The following TTC27 variants were observed in gnomAD, a reference collection of about 807,000 sequenced individuals.
TTC27 encodes tetratricopeptide repeat domain 27, also known as tetratricopeptide repeat protein 27.
In TTC27, 79 loss-of-function variants were observed where a neutral mutation model predicts 115.9. The ratio of observed to expected loss-of-function variants is 0.68; its 90% CI spans 0.57 to 0.82. TTC27 has a LOEUF of 0.82. Ranked by LOEUF, TTC27 falls within the 40% of genes least tolerant of loss-of-function variation. TTC27 has a pLI of 0.00. For synonymous variants in TTC27, 401 were observed against 356.0 expected (o/e 1.13, Z -1.42); for missense variants, 1,054 against 993.1 (o/e 1.06, Z -0.82).
At chr2:32,680,345 GTATTGTAC>G (rs2151889059) in intron 9 of TTC27, among the ~76,000 whole-genome samples, 1 of 152,212 alleles carries the variant, frequency 6.6e-6, no homozygotes, top group East Asian at 1.9e-4. Flanking sequence ...ATATATACGG[GTATTGTAC>G]TAGTCATTGG....
At chr2:32,692,567 A>T (rs1008805443) in intron 9 of TTC27, among the ~76,000 whole-genome samples, 2 of 152,190 alleles carry the variant, frequency 1.3e-5, no homozygotes, top group African/African-American at 4.8e-5. Context: ...TTTATGTTAT[A>T]TGTATTTTAC....
chr2:32,639,805 C>A (rs1278275090), intron 3 of TTC27, among the ~76,000 whole-genome samples: 1 of 152,096 alleles, frequency 6.6e-6, no homozygotes, highest in Non-Finnish European at 1.5e-5. Context: ...GAATTCGAGA[C>A]CAACCTGGCC....
chr2:32,731,442 C>G lies in TTC27; in HGVS notation c.1234-2386C>G, dbSNP rs75155129. ...CAGGCAGGAGTGCAGTGGCACAAACCTAGCTCACTGCAGCCTTGACCTCCT... is the reference window on the plus strand; with the variant it reads ...CAGGCAGGAGTGCAGTGGCACAAACGTAGCTCACTGCAGCCTTGACCTCCT... On this transcript the variant is annotated intron_variant, in intron 10 of 19. Coordinates refer to ENST00000317907, the MANE Select transcript of TTC27 (RefSeq NM_017735.5). Among the ~76,000 whole-genome samples the G allele has an allele frequency of 2.9e-3, 445 of 152,138 alleles. 1 individual carries two copies. The highest frequency in any genetic ancestry group is 0.01 in the African/African-American group (425 of 41,502).
At chr2:32,794,840 GA>G (rs1372173383) in intron 16 of TTC27, among the ~76,000 whole-genome samples, 2 of 151,984 alleles carry the variant, frequency 1.3e-5, no homozygotes, top group African/African-American at 4.8e-5. Context: ...TAACCTAGAT[GA>G]AATAGATAAA....
In TTC27 at chr2:32,663,437, C is replaced by T. The variant is rs1336556001; in HGVS notation, c.641-866C>T. ...TGGCTAGGAGAGAGAGTTCCACGAC[C>T]CCTTGTGCTTCCCGGGTGATCGCCT... is the stretch of plus-strand genomic sequence containing the variant. On this transcript the variant is annotated intron_variant, in intron 5 of 19. Transcript: ENST00000317907. Among the ~76,000 whole-genome samples the T allele has an allele frequency of 2.6e-5, 4 of 152,134 alleles. No homozygotes were observed. In the East Asian group the frequency reaches 7.7e-4, roughly 29 times the overall value.
intron 5 of TTC27, among the ~76,000 whole-genome samples, chr2:32,658,676 T>C (rs1441585651): frequency 6.6e-6 from 1 of 152,234 alleles, no homozygotes; most frequent in Non-Finnish European, 1.5e-5. Context: ...AGAGATAGTT[T>C]GTCAGTGATA....
intron 10 of TTC27, among the ~76,000 whole-genome samples, chr2:32,733,482 G>A (rs1421906432): frequency 6.6e-6 from 1 of 152,146 alleles, no homozygotes; most frequent in Non-Finnish European, 1.5e-5. Flanking sequence ...AAGTGCCATG[G>A]TCAAAGTGGC....
intron 12 of TTC27, among the ~76,000 whole-genome samples, chr2:32,757,853 C>A (rs1356941626): frequency 2.0e-5 from 3 of 152,168 alleles, no homozygotes; most frequent in Non-Finnish European, 4.4e-5. Flanking sequence ...AGGCACCTGC[C>A]ACCACGCCCG....
intron 3 of TTC27, among the ~76,000 whole-genome samples, chr2:32,635,579 G>A (rs1664388770): frequency 6.6e-6 from 1 of 152,124 alleles, no homozygotes; most frequent in African/African-American, 2.4e-5. Flanking sequence ...AGCTACTCAG[G>A]AGGCTGAGGC....
intron 10 of TTC27, among the ~76,000 whole-genome samples, chr2:32,710,444 T>TTTC (rs35935473): frequency 6.6e-6 from 1 of 150,976 alleles, no homozygotes; most frequent in African/African-American, 2.4e-5. Flanking sequence ...TTTTTTTTTT[T>TTTC]CTGAGATGGA....
chr2:32,744,919 G>A (rs1407126121), intron 12 of TTC27, among the ~76,000 whole-genome samples: 1 of 151,824 alleles, frequency 6.6e-6, no homozygotes, highest in Non-Finnish European at 1.5e-5. Context: ...ATGGTGATGG[G>A]CACCTGTAAT....
chr2:32,718,831 A>G (rs1044117868), intron 10 of TTC27, among the ~76,000 whole-genome samples: 1 of 152,204 alleles, frequency 6.6e-6, no homozygotes. Flanking sequence ...TGAACTGGGA[A>G]TCTGAGGCAA....
At chr2:32,736,163 CT>C (rs575534648) in intron 11 of TTC27, among the ~76,000 whole-genome samples, 2 of 151,812 alleles carry the variant, frequency 1.3e-5, no homozygotes, top group South Asian at 4.2e-4. Context: ...TCAGTTTGCT[CT>C]TTTTTTTATC....
At position 32,782,083 on chromosome 2, in the gene TTC27, G is replaced by A. The variant is rs964513714; in HGVS notation, c.1780-543G>A. On this transcript the variant is annotated intron_variant, in intron 14 of 19. Transcript: ENST00000317907. ...ATCATTCTTGTTTGAATCAACATTT[G>A]TATAAATTTAACCTGATTAAGCTGA... 5.9e-5 allele frequency among the ~76,000 whole-genome samples: 9 copies of A among 152,254 alleles called. No homozygotes were observed. The East Asian group carries it at 1.7e-3, about 29-fold the overall frequency.
intron 5 of TTC27, among the ~76,000 whole-genome samples, chr2:32,663,822 C>G (rs913399389): frequency 6.6e-6 from 1 of 152,060 alleles, no homozygotes; most frequent in African/African-American, 2.4e-5. Flanking sequence ...GTAGCTGGGA[C>G]TACAGGCGCA....
At chr2:32,648,951 G>T (rs371557062) in intron 4 of TTC27, among the ~76,000 whole-genome samples, 1 of 152,246 alleles carries the variant, frequency 6.6e-6, no homozygotes, top group East Asian at 1.9e-4. Flanking sequence ...GGTCCAGGCT[G>T]CAGTGAGCTG....
chr2:32,683,133 G>T (rs1484205884), intron 9 of TTC27, among the ~76,000 whole-genome samples: 3 of 151,962 alleles, frequency 2.0e-5, no homozygotes. Context: ...GGGATTACAG[G>T]CATGAGCCAC....
chr2:32,636,771 A>C (rs937710071), intron 3 of TTC27, among the ~76,000 whole-genome samples: 1 of 152,224 alleles, frequency 6.6e-6, no homozygotes, highest in African/African-American at 2.4e-5. Context: ...CCATTAACAA[A>C]GAGATTTGTG....
At chr2:32,650,067 G>A in intron 4 of TTC27, 64 bp from the exon 5 acceptor site, 1 of 1,349,092 alleles carries the variant, frequency 7.4e-7, no homozygotes, top group Admixed American at 2.1e-5. Context: ...AAAAATCTCA[G>A]TTAATGTAAA....
Sources: gnomAD v4.1 joint callset for allele counts (sites outside exome capture counted in the v4.1 genomes callset) on GRCh38, gnomAD v4.1.1 for gene constraint, MANE v1.5 for transcripts, NCBI Gene and HGNC (gene_info 2026-07-23, HGNC 2026-07-21) for gene names.